Variants in LRRC4C observed in about 807,000 individuals in gnomAD.
LRRC4C encodes leucine-rich repeat-containing protein 4C.
In LRRC4C, 5 loss-of-function variants were observed where a neutral mutation model predicts 33.6. The observed-to-expected ratio is 0.15, with a 90% CI of 0.08 to 0.31. LRRC4C has a LOEUF of 0.31. Among genes scored for constraint, LRRC4C ranks in the 10% least tolerant of loss-of-function variants. The probability of loss-of-function intolerance (pLI) is 1.00; values close to 1 mark genes in which losing one functional copy is unlikely to be tolerated. For missense variants in LRRC4C, 560 were observed against 796.7 expected (o/e 0.70, Z 3.58); for synonymous variants, 329 against 302.0 (o/e 1.09, Z -0.93).
chr11:41,312,009 AAG>A (rs1387212857), intron 1 of LRRC4C, among the ~76,000 whole-genome samples: 1 of 152,230 alleles, frequency 6.6e-6, no homozygotes, highest in Non-Finnish European at 1.5e-5. Context: ...CAAGAGCTCA[AAG>A]ACCGACACGT....
At chr11:41,364,808 G>C (rs1952476904) in intron 1 of LRRC4C, among the ~76,000 whole-genome samples, 1 of 152,022 alleles carries the variant, frequency 6.6e-6, no homozygotes, top group South Asian at 2.1e-4. Context: ...TTCCCACCTA[G>C]ACATAAAGAG....
At chr11:41,455,029 C>T (rs2138678302) in intron 1 of LRRC4C, among the ~76,000 whole-genome samples, 1 of 152,156 alleles carries the variant, frequency 6.6e-6, no homozygotes, top group South Asian at 2.1e-4. Context: ...GCTAAGGCTT[C>T]ATGAGATTAG....
intron 2 of LRRC4C, among the ~76,000 whole-genome samples, chr11:40,704,089 A>G (rs1289695665): frequency 6.6e-6 from 1 of 152,184 alleles, no homozygotes; most frequent in Admixed American, 6.5e-5. Context: ...TACAAAAAAT[A>G]ATACAAATAA....
At chr11:41,448,293 T>C (rs7106617) in intron 1 of LRRC4C, among the ~76,000 whole-genome samples, 1 of 145,566 alleles carries the variant, frequency 6.9e-6, no homozygotes, top group Non-Finnish European at 1.5e-5. Flanking sequence ...ACAATTAACA[T>C]TTACATAGAG....
intron 1 of LRRC4C, among the ~76,000 whole-genome samples, chr11:41,336,234 A>G (rs1471588877): frequency 1.3e-5 from 2 of 152,074 alleles, no homozygotes; most frequent in Admixed American, 6.6e-5. Flanking sequence ...TATGAATTAT[A>G]GACTTTCCTT....
chr11:40,568,720 G>C (rs1335847419), intron 3 of LRRC4C, among the ~76,000 whole-genome samples: 1 of 152,078 alleles, frequency 6.6e-6, no homozygotes, highest in Admixed American at 6.6e-5. Context: ...CACATACCTA[G>C]AATGGAAAGA....
intron 1 of LRRC4C, among the ~76,000 whole-genome samples, chr11:41,060,991 C>T (rs1937719964): frequency 6.6e-6 from 1 of 151,882 alleles, no homozygotes; most frequent in South Asian, 2.1e-4. Context: ...CCCTTCCCCT[C>T]CCCCCTCCAC....
At chr11:41,290,776 C>T (rs1048501684) in intron 1 of LRRC4C, among the ~76,000 whole-genome samples, 1 of 152,020 alleles carries the variant, frequency 6.6e-6, no homozygotes, top group Admixed American at 6.6e-5. Context: ...TGACCATAGA[C>T]CTAGGTTTAT....
chr11:40,542,554 TAAC>T, intron 3 of LRRC4C, among the ~76,000 whole-genome samples: 1 of 152,250 alleles, frequency 6.6e-6, no homozygotes, highest in South Asian at 2.1e-4. Flanking sequence ...ACAGAGATAA[TAAC>T]AACCAGGACC....
chr11:41,361,617 C>T (rs1309351666), intron 1 of LRRC4C, among the ~76,000 whole-genome samples: 2 of 152,150 alleles, frequency 1.3e-5, no homozygotes, highest in Admixed American at 6.5e-5. Flanking sequence ...CATAATTGCA[C>T]AGGCAAAAAT....
At chr11:40,945,031 T>C (rs939468591) in intron 1 of LRRC4C, among the ~76,000 whole-genome samples, 8 of 146,558 alleles carry the variant, frequency 5.5e-5, no homozygotes, top group South Asian at 2.2e-4. Context: ...TTCTTTTTTT[T>C]TTTTTTTTTT....
chr11:40,767,761 T>G (rs1035853690), intron 2 of LRRC4C, among the ~76,000 whole-genome samples: 7 of 151,914 alleles, frequency 4.6e-5, no homozygotes, highest in Admixed American at 4.6e-4. Flanking sequence ...ATGGAAAAAT[T>G]TATTGAAACA....
rs12222882 is a variant in LRRC4C, at chr11:41,427,128, G to A, written c.-496+32303C>T. 1.4e-3 allele frequency among the ~76,000 whole-genome samples: 219 copies of A among 152,280 alleles called. 6 individuals carry two copies. In the East Asian group the frequency reaches 0.038, roughly 26 times the overall value. On this transcript the variant is annotated intron_variant, in intron 1 of 6. Transcript: ENST00000528697. ...ATTTATGGTAGATGATGACTTAGGT[G>A]ATGACCTATTGCACATATACATGCC...
At chr11:40,888,056 T>C (rs1306387439) in intron 2 of LRRC4C, among the ~76,000 whole-genome samples, 2 of 151,910 alleles carry the variant, frequency 1.3e-5, no homozygotes, top group Non-Finnish European at 2.9e-5. Flanking sequence ...CTTCACTGAG[T>C]CTCCATTTGA....
chr11:40,741,827 G>C (rs1043317911), intron 2 of LRRC4C, among the ~76,000 whole-genome samples: 1 of 151,822 alleles, frequency 6.6e-6, no homozygotes, highest in African/African-American at 2.4e-5. Flanking sequence ...ACCAAATCAG[G>C]CATCTATAAA....
intron 4 of LRRC4C, among the ~76,000 whole-genome samples, chr11:40,255,021 A>G (rs1033515562): frequency 6.6e-6 from 1 of 152,090 alleles, no homozygotes; most frequent in Non-Finnish European, 1.5e-5. Flanking sequence ...TATGCTGCCC[A>G]GGCTGGCCTC....
chr11:40,919,076 A>G (rs1278533949), intron 2 of LRRC4C, among the ~76,000 whole-genome samples: 1 of 152,104 alleles, frequency 6.6e-6, no homozygotes, highest in Admixed American at 6.6e-5. Context: ...TAACTCCTTT[A>G]TTAAAGTTTG....
At chr11:40,782,547 A>G (rs1317064823) in intron 2 of LRRC4C, among the ~76,000 whole-genome samples, 1 of 152,016 alleles carries the variant, frequency 6.6e-6, no homozygotes, top group Non-Finnish European at 1.5e-5. Flanking sequence ...CTTCATTCTC[A>G]TACTCTTGGC....
intron 1 of LRRC4C, among the ~76,000 whole-genome samples, chr11:41,420,398 A>G (rs1565659265): frequency 6.6e-6 from 1 of 152,014 alleles, no homozygotes; most frequent in Non-Finnish European, 1.5e-5. Context: ...TAAGGCTTTT[A>G]AAGAAGAAGG....
Sources: gnomAD v4.1 joint callset for allele counts (sites outside exome capture counted in the v4.1 genomes callset) on GRCh38, gnomAD v4.1.1 for gene constraint, MANE v1.5 for transcripts, NCBI Gene and HGNC (gene_info 2026-07-23, HGNC 2026-07-21) for gene names.